The following ESRRG variants were observed in gnomAD, a reference collection of about 807,000 sequenced individuals.
ESRRG encodes estrogen related receptor gamma.
Under a neutral mutation model 44.0 loss-of-function variants are expected in ESRRG, and 13 were observed. The observed-to-expected ratio is 0.30, with a 90% confidence interval of 0.19 to 0.47. The LOEUF (loss-of-function observed/expected upper bound fraction) is 0.47, where lower values mean the gene tolerates loss of function less well. Ranked by LOEUF, ESRRG falls within the 20% of genes least tolerant of loss-of-function variation. The pLI is 1.00. For missense variants in ESRRG, 395 were observed against 580.6 expected, an observed-to-expected ratio of 0.68 and a Z score of 3.29; for synonymous variants, 215 against 214.6, an observed-to-expected ratio of 1.00 and a Z score of -0.02.
chr1:216,646,751 T>G (rs2067674346), intron 3 of ESRRG, among the ~76,000 whole-genome samples: 1 of 152,114 alleles, frequency 6.6e-6, no homozygotes, highest in African/African-American at 2.4e-5. Context: ...AAAAGTTAAG[T>G]AGCATTTTTT....
At chr1:216,539,582 C>T (rs1365696381) in intron 5 of ESRRG, among the ~76,000 whole-genome samples, 1 of 151,972 alleles carries the variant, frequency 6.6e-6, no homozygotes, top group Non-Finnish European at 1.5e-5. Context: ...GCTGTCCTTC[C>T]TGTCCATTTT....
intron 3 of ESRRG, 39 bp from the exon 4 acceptor site, chr1:216,568,137 G>C (rs560387841): frequency 7.0e-7 from 1 of 1,436,024 alleles, no homozygotes; most frequent in East Asian, 2.3e-5. Flanking sequence ...TATTAAGGTA[G>C]CTATGTTTGA....
chr1:216,618,184 C>T (rs1337160432), intron 3 of ESRRG, among the ~76,000 whole-genome samples: 1 of 152,184 alleles, frequency 6.6e-6, no homozygotes, highest in Non-Finnish European at 1.5e-5. Flanking sequence ...ATAGTAATAT[C>T]AAAATCACAC....
intron 1 of ESRRG, among the ~76,000 whole-genome samples, chr1:216,990,034 T>C (rs1418924417): frequency 1.3e-5 from 2 of 152,110 alleles, no homozygotes; most frequent in Non-Finnish European, 2.9e-5. Flanking sequence ...ACAGAAACAC[T>C]GAGAAATTCT....
At chr1:216,592,509 T>C (rs970927256) in intron 3 of ESRRG, among the ~76,000 whole-genome samples, 4 of 152,080 alleles carry the variant, frequency 2.6e-5, no homozygotes, top group Non-Finnish European at 5.9e-5. Context: ...CTATCTTTTT[T>C]TTTTTCTTCT....
At chr1:216,716,077 G>T (rs1559378899) in intron 1 of ESRRG, among the ~76,000 whole-genome samples, 1 of 151,942 alleles carries the variant, frequency 6.6e-6, no homozygotes, top group Non-Finnish European at 1.5e-5. Context: ...TATGCAAAGT[G>T]CAACAAAAAG....
chr1:216,659,074 G>A (rs2071552922), intron 2 of ESRRG, among the ~76,000 whole-genome samples: 1 of 152,100 alleles, frequency 6.6e-6, no homozygotes, highest in African/African-American at 2.4e-5. Flanking sequence ...TTATAACTTT[G>A]TAAGAATTAT....
At chr1:216,675,217 A>G (rs11117655) in intron 2 of ESRRG, among the ~76,000 whole-genome samples, 107,916 of 151,702 alleles carry the variant, frequency 0.71, 40,345 homozygotes, top group Non-Finnish European at 0.82. Context: ...AAAATTAGAG[A>G]AGCGTGTTGG....
At chr1:216,793,742 G>T (rs2094393486) in intron 2 of ESRRG, among the ~76,000 whole-genome samples, 1 of 152,138 alleles carries the variant, frequency 6.6e-6, no homozygotes, top group South Asian at 2.1e-4. Flanking sequence ...CAAAGCAAAA[G>T]GTACTATAGG....
intron 1 of ESRRG, among the ~76,000 whole-genome samples, chr1:216,951,859 C>T (rs1459723719): frequency 1.3e-5 from 2 of 150,780 alleles, no homozygotes; most frequent in African/African-American, 4.9e-5. Context: ...CACACACAGA[C>T]ATATACACAT....
At chr1:216,719,659 T>C (rs536094997) in intron 1 of ESRRG, among the ~76,000 whole-genome samples, 1 of 152,042 alleles carries the variant, frequency 6.6e-6, no homozygotes, top group African/African-American at 2.4e-5. Flanking sequence ...CAAAGAAATA[T>C]ATCAAATGCC....
chr1:217,123,259 C>T (rs112217379), intron 1 of ESRRG, among the ~76,000 whole-genome samples: 3,356 of 152,240 alleles, frequency 0.022, 129 homozygotes, highest in African/African-American at 0.076. Context: ...AGGGGTCCTA[C>T]ATAATGTTAG....
At chr1:217,081,843 C>T (rs1413994944) in intron 1 of ESRRG, among the ~76,000 whole-genome samples, 1 of 152,200 alleles carries the variant, frequency 6.6e-6, no homozygotes, top group African/African-American at 2.4e-5. Flanking sequence ...ATTGATTCCT[C>T]CAGCCTTAAC....
chr1:216,527,391 A>G lies in ESRRG; in HGVS notation c.863-7970T>C, dbSNP rs116915695. Among the ~76,000 whole-genome samples, 119 of 152,276 alleles carry G rather than the reference A, an allele frequency of 7.8e-4. No homozygotes were observed. The East Asian group carries it at 0.019, about 24-fold the overall frequency. On this transcript the variant is annotated intron_variant, in intron 5 of 6. Coordinates refer to ENST00000408911, the MANE Select transcript of ESRRG (RefSeq NM_001438.4). ...CAGGGCTAGTCAAGCAATCTTTAAAATATGAAACCTATGCCATTCCCTCAT... is the reference window on the plus strand; with the variant it reads ...CAGGGCTAGTCAAGCAATCTTTAAAGTATGAAACCTATGCCATTCCCTCAT...
chr1:216,917,175 T>A (rs1299351069), intron 2 of ESRRG, among the ~76,000 whole-genome samples: 2 of 151,112 alleles, frequency 1.3e-5, no homozygotes, highest in African/African-American at 2.4e-5. Flanking sequence ...TTTTTTTTTT[T>A]ACCAGGTGAC....
intron 2 of ESRRG, among the ~76,000 whole-genome samples, chr1:216,728,507 CG>C (rs1284409331): frequency 7.1e-6 from 1 of 140,296 alleles, no homozygotes; most frequent in African/African-American, 2.6e-5. Context: ...AGGAAGGTGG[CG>C]GGGGCGGGTA....
chr1:216,526,255 A>T (rs1300685203), intron 5 of ESRRG, among the ~76,000 whole-genome samples: 1 of 152,110 alleles, frequency 6.6e-6, no homozygotes, highest in Non-Finnish European at 1.5e-5. Flanking sequence ...AACCTCCAGG[A>T]CCTGGGAACA....
intron 2 of ESRRG, among the ~76,000 whole-genome samples, chr1:216,901,018 T>C (rs370518799): frequency 1.4e-4 from 22 of 152,194 alleles, no homozygotes; most frequent in African/African-American, 5.3e-4. Context: ...AAGGCTAGAC[T>C]ATGAGAAGCA....
chr1:216,657,862 C>T (rs373745281), intron 2 of ESRRG, among the ~76,000 whole-genome samples: 2 of 152,100 alleles, frequency 1.3e-5, no homozygotes, highest in East Asian at 1.9e-4. Flanking sequence ...ATAGACAAGA[C>T]CTTTTGCAGG....
Sources: gnomAD v4.1 joint callset for allele counts (sites outside exome capture counted in the v4.1 genomes callset) on GRCh38, gnomAD v4.1.1 for gene constraint, MANE v1.5 for transcripts, NCBI Gene and HGNC (gene_info 2026-07-23, HGNC 2026-07-21) for gene names.